SMAP2: variants seen among roughly 807,000 people sequenced by gnomAD.
SMAP2 encodes the protein stromal membrane-associated protein 2.
In SMAP2, 25 loss-of-function variants were observed where a neutral mutation model predicts 56.4. That is an observed-to-expected ratio of 0.44 (90% CI 0.32 to 0.62). The LOEUF (loss-of-function observed/expected upper bound fraction) is 0.62. Ranked by LOEUF, SMAP2 falls within the 20% of genes least tolerant of loss-of-function variation. The probability of loss-of-function intolerance (pLI) is 0.04; values close to 1 mark genes in which losing one functional copy is unlikely to be tolerated. For missense variants in SMAP2, 388 were observed against 545.6 expected, an observed-to-expected ratio of 0.71 and a Z score of 2.88; for synonymous variants, 157 against 181.7, an observed-to-expected ratio of 0.86 and a Z score of 1.09.
intron 9 of SMAP2, among the ~76,000 whole-genome samples, chr1:40,419,280 CTTTTT>C (rs35237067): frequency 3.3e-5 from 4 of 121,874 alleles, no homozygotes; most frequent in Admixed American, 8.3e-5. Flanking sequence ...TTCTTCCTTT[CTTTTT>C]TTTTTTTTTT....
chr1:40,393,118 T>C (rs1280231595), intron 1 of SMAP2, among the ~76,000 whole-genome samples: 2 of 150,088 alleles, frequency 1.3e-5, no homozygotes, highest in African/African-American at 4.9e-5. Flanking sequence ...AAAAAAAGTA[T>C]ACTAAATTAG....
chr1:40,389,054 AC>A (rs1419442496), intron 1 of SMAP2, among the ~76,000 whole-genome samples: 2 of 152,030 alleles, frequency 1.3e-5, no homozygotes, highest in African/African-American at 4.8e-5. Context: ...GAAGGAACAA[AC>A]TCCGGACACG....
At chr1:40,389,491 T>A (rs1644694830) in intron 1 of SMAP2, among the ~76,000 whole-genome samples, 1 of 152,192 alleles carries the variant, frequency 6.6e-6, no homozygotes, top group African/African-American at 2.4e-5. Context: ...ATAGTCTTCC[T>A]CATACTGTTA....
intron 1 of SMAP2, among the ~76,000 whole-genome samples, chr1:40,376,523 T>C (rs1644542830): frequency 6.6e-6 from 1 of 152,178 alleles, no homozygotes; most frequent in African/African-American, 2.4e-5. Context: ...CCTCTGTTTA[T>C]CCAATTTATG....
At chr1:40,364,930 T>C (rs938893934) in intron 2 of SMAP2, 5 of 224,718 alleles carry the variant, frequency 2.2e-5, no homozygotes, top group Admixed American at 4.1e-5. Flanking sequence ...GGTGGGTAAG[T>C]TCCCTCCCCT....
At chr1:40,407,497 T>A (rs1041741416) in intron 2 of SMAP2, among the ~76,000 whole-genome samples, 6 of 151,928 alleles carry the variant, frequency 3.9e-5, no homozygotes, top group African/African-American at 1.2e-4. Flanking sequence ...CTCAAAAAAA[T>A]AAATAAATAA....
At chr1:40,376,152 T>C (rs1039502948) in intron 1 of SMAP2, among the ~76,000 whole-genome samples, 1 of 151,980 alleles carries the variant, frequency 6.6e-6, no homozygotes, top group Non-Finnish European at 1.5e-5. Flanking sequence ...GGTTTCACCA[T>C]GTTGGCCAGG....
chr1:40,384,073 T>C (rs779329557), intron 1 of SMAP2, among the ~76,000 whole-genome samples: 1 of 152,130 alleles, frequency 6.6e-6, no homozygotes, highest in Non-Finnish European at 1.5e-5. Context: ...ATTATTTGTA[T>C]TTTTAGTAGA....
At position 40,374,770 on chromosome 1, in the gene SMAP2, G is replaced by T; in HGVS notation, c.103+547G>T. 6.4e-7 allele frequency: 1 copy of T among 1,550,560 alleles called. No individual in the cohort carries two copies. Among genetic ancestry groups the T allele is most frequent in the Non-Finnish European group, 8.7e-7 (1 of 1,146,966 alleles). ...TCCTGTCATTTTGCAGCCTTGCTAA[G>T]ATCTGACAAGAGTGCTTAGGTGACT... On this transcript the variant is annotated intron_variant, in intron 1 of 9. Coordinates refer to ENST00000372718, the MANE Select transcript of SMAP2 (RefSeq NM_022733.3). This position sits in a 1 kb window ranked among gnomAD's most constrained non-coding sequence, Gnocchi z 5.9.
At chr1:40,377,734 A>G (rs1482425464) in intron 1 of SMAP2, among the ~76,000 whole-genome samples, 2 of 152,198 alleles carry the variant, frequency 1.3e-5, no homozygotes, top group East Asian at 1.9e-4. Context: ...CTTCTAGCTC[A>G]GCAGTTCCAG....
At chr1:40,403,695 G>A in intron 1 of SMAP2, 3 of 967,744 alleles carry the variant, frequency 3.1e-6, no homozygotes, top group Non-Finnish European at 3.7e-6. Context: ...GCACTGTGAG[G>A]TGAATGCTAT....
At chr1:40,344,976 T>TTCTC in intron 1 of SMAP2, 1 of 140,016 alleles carries the variant, frequency 7.1e-6, no homozygotes, top group East Asian at 2.1e-4. Flanking sequence ...CTTTCTTTCT[T>TTCTC]TCTCTTTCTT....
At chr1:40,395,024 G>T (rs1005760996) in intron 1 of SMAP2, among the ~76,000 whole-genome samples, 4 of 152,270 alleles carry the variant, frequency 2.6e-5, no homozygotes, top group Admixed American at 2.6e-4. Flanking sequence ...GTCACTCTTG[G>T]TGTATAGAAG....
intron 5 of SMAP2, chr1:40,413,958 T>C: frequency 1.8e-6 from 1 of 545,064 alleles, no homozygotes; most frequent in South Asian, 2.1e-5. Flanking sequence ...ATATCTTTGT[T>C]TTTCATTTTA....
chr1:40,396,522 T>C (rs1034012065), intron 1 of SMAP2, among the ~76,000 whole-genome samples: 1 of 152,222 alleles, frequency 6.6e-6, no homozygotes, highest in Non-Finnish European at 1.5e-5. Context: ...TAACTTATGC[T>C]CTTTTTTCAA....
intron 1 of SMAP2, among the ~76,000 whole-genome samples, chr1:40,392,967 T>C (rs1644731641): frequency 6.6e-6 from 1 of 151,890 alleles, no homozygotes; most frequent in African/African-American, 2.4e-5. Flanking sequence ...CCAGGCGTGG[T>C]GGCATGCACC....
At position 40,417,247 on chromosome 1, in the gene SMAP2, T is replaced by TC. The variant is rs1224883768; in HGVS notation, c.1164+153dup. 9 of 620,870 alleles carry TC rather than the reference T, an allele frequency of 1.4e-5. No individual in the cohort carries two copies. In the Admixed American group the frequency reaches 1.9e-4, roughly 13 times the overall value. The allele number at this position is 620,870 out of a possible 1,614,324, so 38.5% of individuals were successfully genotyped here. A position where few individuals can be genotyped will look rare whatever the true frequency, so the allele number is the denominator to read the frequency against. Reference sequence around the variant, plus strand: ...GGTTTGCTTTTTTTTTTTTTTTTTTTCCTAGAAGGTCTGTCTAAAGTCAGA... The same window carrying TC: ...GGTTTGCTTTTTTTTTTTTTTTTTTTCCCTAGAAGGTCTGTCTAAAGTCAGA... On this transcript the variant is annotated intron_variant, in intron 9 of 9. Transcript: ENST00000372718.
At chr1:40,363,930 A>T (rs1423158703) in intron 2 of SMAP2, among the ~76,000 whole-genome samples, 1 of 152,222 alleles carries the variant, frequency 6.6e-6, no homozygotes, top group African/African-American at 2.4e-5. Context: ...GGGAATCACG[A>T]AGCTCACTAA....
At position 40,414,182 on chromosome 1, in the gene SMAP2, G is replaced by A. The variant is rs757416337; in HGVS notation, c.513G>A (p.Gln171=). ...AGCCACAGAAAAAAGAAGACCCACA[G>A]CTACCTCGGAAAAGCTCCCCGAAAT... The part of the protein sequence containing the change: ...VKMPQKKEDP[Q]LPRKSSPKST... The change falls in exon 6 of 10, where the codon CAG becomes CAA. Residue 171 remains glutamine, a synonymous_variant. Coordinates refer to ENST00000372718, the MANE Select transcript of SMAP2 (RefSeq NM_022733.3). 6.2e-7 allele frequency: 1 copy of A among 1,614,168 alleles called. No homozygotes were observed. Among genetic ancestry groups the A allele is most frequent in the South Asian group, 1.1e-5 (1 of 91,086 alleles).
Sources: gnomAD v4.1 joint callset for allele counts (sites outside exome capture counted in the v4.1 genomes callset) on GRCh38, gnomAD v4.1.1 for gene constraint, Gnocchi (gnomAD v3.1) non-coding constraint, MANE v1.5 for transcripts, NCBI Gene and HGNC (gene_info 2026-07-23, HGNC 2026-07-21) for gene names.